Variants in GDNF observed in about 807,000 individuals in gnomAD.
GDNF encodes the protein glial cell line-derived neurotrophic factor.
A neutral mutation model predicts 13.7 loss-of-function variants in GDNF; 5 were observed. The observed-to-expected ratio is 0.36, with a 90% CI of 0.19 to 0.77. GDNF has a LOEUF of 0.77. Ranked by LOEUF, GDNF falls within the 30% of genes least tolerant of loss-of-function variation. The probability of loss-of-function intolerance (pLI) is 0.51; values close to 1 mark genes in which losing one functional copy is unlikely to be tolerated. For missense variants in GDNF, 246 were observed against 274.3 expected (o/e 0.90, Z 0.73); for synonymous variants, 122 against 112.5 (o/e 1.08, Z -0.53).
In GDNF at chr5:37,835,351, C is replaced by T. The variant is rs1050648098; in HGVS notation, c.-26-529G>A. 2.0e-5 allele frequency: 18 copies of T among 909,486 alleles called. No individual in the cohort carries two copies. In the African/African-American group the frequency reaches 2.7e-4, roughly 14 times the overall value. 56.3% of individuals were successfully genotyped at this position (909,486 alleles called of 1,614,324 possible). A position where few individuals can be genotyped will look rare whatever the true frequency, so the allele number is the denominator to read the frequency against. Reference sequence around the variant, plus strand: ...GCATTCCCCTGCCTCGGGTCCCAACCGGGCTTCTGGCTAGTCGAGGGCAGG... The same window carrying T: ...GCATTCCCCTGCCTCGGGTCCCAACTGGGCTTCTGGCTAGTCGAGGGCAGG... On this transcript the variant is annotated intron_variant, in intron 1 of 2. Coordinates refer to ENST00000326524, the MANE Select transcript of GDNF (RefSeq NM_000514.4).
chr5:37,822,568 G>A (rs1001286641), intron 2 of GDNF, among the ~76,000 whole-genome samples: 10 of 152,134 alleles, frequency 6.6e-5, no homozygotes, highest in Non-Finnish European at 1.3e-4. Context: ...GACATGTAGC[G>A]GTTCCTATGA....
chr5:37,826,477 C>G (rs1750315922), intron 2 of GDNF, among the ~76,000 whole-genome samples: 1 of 152,184 alleles, frequency 6.6e-6, no homozygotes, highest in African/African-American at 2.4e-5. Context: ...GCCTGGAGCC[C>G]CTGGCATGGT....
At chr5:37,832,398 C>T (rs1344704588) in intron 2 of GDNF, among the ~76,000 whole-genome samples, 3 of 152,130 alleles carry the variant, frequency 2.0e-5, no homozygotes. Flanking sequence ...TTTTGCCTTC[C>T]CTGCACTTGA....
At chr5:37,822,663 G>A (rs1004608575) in intron 2 of GDNF, among the ~76,000 whole-genome samples, 1 of 152,256 alleles carries the variant, frequency 6.6e-6, no homozygotes, top group Middle Eastern at 3.4e-3. Context: ...TACCTATATT[G>A]CAGGTAAAAT....
rs1750461521 is a variant in GDNF at position 37,829,944 on chromosome 5, A to G, written c.151+4702T>C. On this transcript the variant is annotated intron_variant, in intron 2 of 2. Transcript: ENST00000326524. ...TCTTGATTCCAAGAGACCCATCCCA[A>G]GTGGCAGAGCTCCTTTCCAGCTTAG... 1.3e-5 allele frequency among the ~76,000 whole-genome samples: 2 copies of G among 152,230 alleles called. 1 individual carries two copies. Among genetic ancestry groups the G allele is most frequent in the South Asian group, 4.1e-4 (2 of 4,832 alleles).
chr5:37,833,376 A>G (rs1435095570), intron 2 of GDNF, among the ~76,000 whole-genome samples: 1 of 152,070 alleles, frequency 6.6e-6, no homozygotes, highest in Non-Finnish European at 1.5e-5. Flanking sequence ...ATTGACAGAC[A>G]CTCTTGGAAC....
chr5:37,822,126 G>A (rs2111661387), intron 2 of GDNF, among the ~76,000 whole-genome samples: 1 of 152,288 alleles, frequency 6.6e-6, no homozygotes, highest in Non-Finnish European at 1.5e-5. Flanking sequence ...ACAAAGTGGT[G>A]AGGACACAAC....
chr5:37,828,751 G>A (rs1750419631), intron 2 of GDNF, among the ~76,000 whole-genome samples: 4 of 152,216 alleles, frequency 2.6e-5, no homozygotes, highest in African/African-American at 9.7e-5. Flanking sequence ...AGACTTACTT[G>A]ATTTCAGGAC....
intron 1 of GDNF, chr5:37,835,658 T>C: frequency 6.4e-7 from 1 of 1,550,578 alleles, no homozygotes; most frequent in Non-Finnish European, 8.7e-7. Flanking sequence ...AAAGACTGCA[T>C]TTGTCTTGAA....
At chr5:37,823,009 T>C (rs553850601) in intron 2 of GDNF, among the ~76,000 whole-genome samples, 133 of 152,366 alleles carry the variant, frequency 8.7e-4, no homozygotes, top group African/African-American at 3.1e-3. Flanking sequence ...GGCTATAACT[T>C]AGATAAGAGC....
In GDNF at chr5:37,837,867, C is replaced by A. The variant is rs945373087; in HGVS notation, c.-27+1640G>T. On this transcript the variant is annotated intron_variant, in intron 1 of 2. Coordinates refer to ENST00000326524, the MANE Select transcript of GDNF (RefSeq NM_000514.4). This position sits in a 1 kb window ranked among gnomAD's most constrained non-coding sequence, Gnocchi z 6.5. The stretch of plus-strand genomic sequence containing the variant: ...TCGCAGGAGGCAGCGCTCCCGCCGT[C>A]AGTGCCCCCGCACCTTCTTGTGCCT... Among the ~76,000 whole-genome samples the A allele has an allele frequency of 2.0e-5, 3 of 152,114 alleles. No individual in the cohort carries two copies. The highest frequency in any genetic ancestry group is 4.4e-5 in the Non-Finnish European group (3 of 68,038).
At chr5:37,832,766 A>T (rs1443209336) in intron 2 of GDNF, among the ~76,000 whole-genome samples, 1 of 152,224 alleles carries the variant, frequency 6.6e-6, no homozygotes, top group African/African-American at 2.4e-5. Context: ...CTGGTTGCAC[A>T]TTAGACTCAT....
intron 1 of GDNF, among the ~76,000 whole-genome samples, chr5:37,836,670 C>T (rs552275582): frequency 1.2e-4 from 18 of 152,350 alleles, no homozygotes; most frequent in African/African-American, 3.8e-4. Flanking sequence ...CTCAAGCCCC[C>T]CGCCGGTGCC....
intron 1 of GDNF, chr5:37,835,288 A>T (rs1200688353): frequency 4.5e-6 from 2 of 442,088 alleles, no homozygotes; most frequent in Non-Finnish European, 7.7e-6. Context: ...CCTCGGCCCA[A>T]GCAAGGACGG....
In GDNF at chr5:37,838,240, G is replaced by A. The variant is rs900224904; in HGVS notation, c.-27+1267C>T. Among the ~76,000 whole-genome samples, 12 of 152,242 alleles carry A rather than the reference G, an allele frequency of 7.9e-5. No homozygotes were observed. The highest frequency in any genetic ancestry group is 3.3e-4 in the Admixed American group (5 of 15,288). On this transcript the variant is annotated intron_variant, in intron 1 of 2. Coordinates refer to ENST00000326524, the MANE Select transcript of GDNF (RefSeq NM_000514.4). The surrounding 1 kb of genome is among the most constrained non-coding windows in gnomAD (Gnocchi z 4.1). ...GCCCGAGAGCACCCGAATTGCTAGC[G>A]GGAAAGGGCTAGGGACACGGCGGAC...
Position 37,837,994 on chromosome 5 carries a change from GTTTTT to G in GDNF, c.-27+1508_-27+1512del, listed in dbSNP as rs75624956. ...GGGAGACGGGTTTGCTATAAACTCG[GTTTTT>G]TTTTTTTTTTTTTTGGCGGGGGGAG... On this transcript the variant is annotated intron_variant, in intron 1 of 2. Coordinates refer to ENST00000326524, the MANE Select transcript of GDNF (RefSeq NM_000514.4). The surrounding 1 kb of genome is among the most constrained non-coding windows in gnomAD (Gnocchi z 6.5). Among the ~76,000 whole-genome samples, 5 of 125,472 alleles carry G rather than the reference GTTTTT, an allele frequency of 4.0e-5. No individual in the cohort carries two copies. Among genetic ancestry groups the G allele is most frequent in the African/African-American group, 1.5e-4 (5 of 33,592 alleles). The allele number at this position is 125,472 out of a possible 152,430, so 82.3% of individuals were successfully genotyped here. A position where few individuals can be genotyped will look rare whatever the true frequency, so the allele number is the denominator to read the frequency against.
chr5:37,820,879 C>T (rs978632377), intron 2 of GDNF, among the ~76,000 whole-genome samples: 1 of 152,170 alleles, frequency 6.6e-6, no homozygotes, highest in Non-Finnish European at 1.5e-5. Flanking sequence ...ACCCCAAGTT[C>T]AGGCCATAGG....
chr5:37,836,677 T>C (rs1015392992), intron 1 of GDNF, among the ~76,000 whole-genome samples: 1 of 152,166 alleles, frequency 6.6e-6, no homozygotes, highest in African/African-American at 2.4e-5. Flanking sequence ...CCCCCGCCGG[T>C]GCCAGCTCCC....
rs1750783219 is a variant in GDNF at position 37,838,330 on chromosome 5, G to T, written c.-27+1177C>A. Among the ~76,000 whole-genome samples, 1 of 152,248 alleles carries T rather than the reference G, an allele frequency of 6.6e-6. No individual in the cohort carries two copies. Among genetic ancestry groups the T allele is most frequent in the African/African-American group, 2.4e-5 (1 of 41,458 alleles). ...CCACCTTCCCTGACAAAGCGAAGGC[G>T]CAGCGAAACAGTACGAGTTTGGTCG... On this transcript the variant is annotated intron_variant, in intron 1 of 2. Coordinates refer to ENST00000326524, the MANE Select transcript of GDNF (RefSeq NM_000514.4). This position sits in a 1 kb window ranked among gnomAD's most constrained non-coding sequence, Gnocchi z 4.1.
Sources: gnomAD v4.1 joint callset for allele counts (sites outside exome capture counted in the v4.1 genomes callset) on GRCh38, gnomAD v4.1.1 for gene constraint, Gnocchi (gnomAD v3.1) non-coding constraint, MANE v1.5 for transcripts, NCBI Gene and HGNC (gene_info 2026-07-23, HGNC 2026-07-21) for gene names.